Variants in DCAF4L1 observed in about 807,000 individuals in gnomAD.
DCAF4L1 encodes the protein DDB1 and CUL4 associated factor 4 like 1.
Under a neutral mutation model 28.2 loss-of-function variants are expected in DCAF4L1, and 4 were observed. The ratio of observed to expected loss-of-function variants is 0.14; its 90% CI spans 0.07 to 0.33. The LOEUF (loss-of-function observed/expected upper bound fraction) is 0.33. Among genes scored for constraint, DCAF4L1 ranks in the 10% least tolerant of loss-of-function variants. DCAF4L1 has a pLI of 1.00. For synonymous variants in DCAF4L1, 252 were observed against 212.1 expected (o/e 1.19, Z -1.63); for missense variants, 331 against 506.1 (o/e 0.65, Z 3.32).
Position 41,981,807 on chromosome 4 carries a change from G to A in DCAF4L1, c.15G>A (p.Arg5=), listed in dbSNP as rs368827159. Residue 5 remains arginine, a synonymous_variant, in exon 1 of 1, where the codon AGG becomes AGA. Coordinates refer to ENST00000333141, the MANE Select transcript of DCAF4L1 (RefSeq NM_001029955.4). MEAE[R]LRLLEEEAKL... Reference sequence around the variant, plus strand: ...CGCAGGAGGAAATGGAGGCTGAAAGGCTGCGACTCCTCGAGGAAGAGGCCA... The same window carrying A: ...CGCAGGAGGAAATGGAGGCTGAAAGACTGCGACTCCTCGAGGAAGAGGCCA... 1.0e-4 allele frequency: 162 copies of A among 1,613,882 alleles called. 1 individual carries two copies. The highest frequency in any genetic ancestry group is 1.2e-4 in the Non-Finnish European group (145 of 1,179,906).
chr4:41,983,035 A>C lies in DCAF4L1; in HGVS notation c.*52A>C. 2.7e-6 allele frequency: 4 copies of C among 1,477,086 alleles called. No individual in the cohort carries two copies. Among genetic ancestry groups the C allele is most frequent in the Non-Finnish European group, 3.7e-6 (4 of 1,085,652 alleles). The allele number at this position is 1,477,086 out of a possible 1,614,324, so 91.5% of individuals were successfully genotyped here. A position where few individuals can be genotyped will look rare whatever the true frequency, so the allele number is the denominator to read the frequency against. ...GTGGATTTGACTTAAGGAAGTTAAG[A>C]GTATCTTATTACCGTTTCTGTGAGA... On this transcript the variant is annotated 3_prime_UTR_variant, in exon 1 of 1. Coordinates refer to ENST00000333141, the MANE Select transcript of DCAF4L1 (RefSeq NM_001029955.4).
At position 41,982,555 on chromosome 4, in the gene DCAF4L1, T is replaced by A; in HGVS notation, c.763T>A (p.Cys255Ser). 6.2e-7 allele frequency: 1 copy of A among 1,614,206 alleles called. No homozygotes were observed. The highest frequency in any genetic ancestry group is 1.1e-5 in the South Asian group (1 of 91,090). Residue 255 changes from cysteine (C) to serine (S), a missense_variant, in exon 1 of 1, where the codon TGT (cysteine) becomes AGT (serine). Coordinates refer to ENST00000333141, the MANE Select transcript of DCAF4L1 (RefSeq NM_001029955.4). The surrounding 1 kb of genome is among the most constrained non-coding windows in gnomAD (Gnocchi z 4.4). The part of the protein sequence containing the change: ...SGEIFAIDLR[C>S]RNRGKGWRAT... The stretch of plus-strand genomic sequence containing the variant: ...GGAGATCTTTGCCATTGATCTGCGT[T>A]GTAGAAATCGAGGCAAGGGGTGGAG...
In DCAF4L1 at chr4:41,982,200, C is replaced by T. The variant is rs778795267; in HGVS notation, c.408C>T (p.Asn136=). The T allele has an allele frequency of 1.2e-5, 20 of 1,614,248 alleles. No individual in the cohort carries two copies. The South Asian group carries it at 2.0e-4, about 16-fold the overall frequency. The part of the protein sequence containing the change: ...KVKSLCWASL[N]QLDSHVLLCF... ...AGTCCCTGTGCTGGGCCTCGCTGAA[C>T]CAGTTGGACTCTCACGTTCTGCTGT... Residue 136 remains asparagine, a synonymous_variant, in exon 1 of 1, where the codon AAC becomes AAT. Coordinates refer to ENST00000333141, the MANE Select transcript of DCAF4L1 (RefSeq NM_001029955.4). This position sits in a 1 kb window ranked among gnomAD's most constrained non-coding sequence, Gnocchi z 4.4.
rs190226465 is a variant in DCAF4L1, at chr4:41,986,308, G to T, written c.*3325G>T. On this transcript the variant is annotated 3_prime_UTR_variant, in exon 1 of 1. Transcript: ENST00000333141. ...CACATTCGTTTTAGATCACAGGGTC[G>T]TTCTCAGGATATGGTTGTTACTGCT... 6.0e-6 allele frequency: 1 copy of T among 167,184 alleles called. No individual in the cohort carries two copies. Among genetic ancestry groups the T allele is most frequent in the Admixed American group, 6.5e-5 (1 of 15,292 alleles). The allele number at this position is 167,184 out of a possible 1,614,324, so 10.4% of individuals were successfully genotyped here.
In DCAF4L1 at chr4:41,982,392, T is replaced by C. The variant is rs1714012846; in HGVS notation, c.600T>C (p.Phe200=). ...TCAACACCCGGGCATATCACTGCTT[T>C]AGTGCAGGCTTGTCTCAGCAGGTCC... is the stretch of plus-strand genomic sequence containing the variant. The part of the protein sequence containing the change: ...WSLNTRAYHC[F]SAGLSQQVLL... Residue 200 remains phenylalanine (F), a synonymous_variant, in exon 1 of 1, where the codon TTT becomes TTC. Transcript: ENST00000333141. This position sits in a 1 kb window ranked among gnomAD's most constrained non-coding sequence, Gnocchi z 4.4. 1.9e-6 allele frequency: 3 copies of C among 1,614,220 alleles called. No homozygotes were observed. The highest frequency in any genetic ancestry group is 2.5e-6 in the Non-Finnish European group (3 of 1,180,036).
Position 41,982,111 on chromosome 4 carries a change from C to T in DCAF4L1, c.319C>T (p.Leu107=), listed in dbSNP as rs1714001950. 3 of 1,614,228 alleles carry T rather than the reference C, an allele frequency of 1.9e-6. No individual in the cohort carries two copies. Among genetic ancestry groups the T allele is most frequent in the South Asian group, 2.2e-5 (2 of 91,088 alleles). Residue 107 remains leucine (L), a synonymous_variant, in exon 1 of 1, where the codon CTG becomes TTG. Coordinates refer to ENST00000333141, the MANE Select transcript of DCAF4L1 (RefSeq NM_001029955.4). The surrounding 1 kb of genome is among the most constrained non-coding windows in gnomAD (Gnocchi z 4.4). ...GTACGGCATCATCAGCCTGCGAACT[C>T]TGAAGATCCCTTCGTTCCACGTGTA... ...SKYGIISLRT[L]KIPSFHVYVL...
In DCAF4L1 at chr4:41,983,589, G is replaced by C. The variant is rs139036831; in HGVS notation, c.*606G>C. On this transcript the variant is annotated 3_prime_UTR_variant, in exon 1 of 1. Coordinates refer to ENST00000333141, the MANE Select transcript of DCAF4L1 (RefSeq NM_001029955.4). ...TCCATAGGCATTGGAAGGAAAGATG[G>C]ATCTTTTTAAATACTAGAAGTTTTA... 2.4e-5 allele frequency: 4 copies of C among 167,206 alleles called. No homozygotes were observed. Among genetic ancestry groups the C allele is most frequent in the African/African-American group, 9.6e-5 (4 of 41,538 alleles). The allele number at this position is 167,206 out of a possible 1,614,324, so 10.4% of individuals were successfully genotyped here. A position where few individuals can be genotyped will look rare whatever the true frequency, so the allele number is the denominator to read the frequency against.
In DCAF4L1 at chr4:41,982,492, A is replaced by G. The variant is rs1714019065; in HGVS notation, c.700A>G (p.Ser234Gly). 1.9e-6 allele frequency: 3 copies of G among 1,614,244 alleles called. No homozygotes were observed. The highest frequency in any genetic ancestry group is 2.5e-6 in the Non-Finnish European group (3 of 1,180,042). The change falls in exon 1 of 1, where the codon AGT becomes GGT. Residue 234 changes from serine (S) to glycine (G), a missense_variant. By Grantham distance (56) the Ser-to-Gly change is moderately conservative. Transcript: ENST00000333141. The surrounding 1 kb of genome is among the most constrained non-coding windows in gnomAD (Gnocchi z 4.4). ...TGATGTCTTGGCCCAGCAGTTTGCTAGTACGGCTCCTTTGCTGTTTAATGG... is the reference window on the plus strand; with the variant it reads ...TGATGTCTTGGCCCAGCAGTTTGCTGGTACGGCTCCTTTGCTGTTTAATGG... The part of the protein sequence containing the change: ...SSDVLAQQFA[S>G]TAPLLFNGCR...
In DCAF4L1 at chr4:41,983,091, G is replaced by T. The variant is rs574187882; in HGVS notation, c.*108G>T. On this transcript the variant is annotated 3_prime_UTR_variant, in exon 1 of 1. Transcript: ENST00000333141. ...TTAAGAGACGTGTTGTATATAGATC[G>T]CATCCATCCGGCTGCCAGGGGTAAG... 8.4e-6 allele frequency: 8 copies of T among 948,846 alleles called. No individual in the cohort carries two copies. The highest frequency in any genetic ancestry group is 2.2e-4 in the Middle Eastern group (1 of 4,484). The allele number at this position is 948,846 out of a possible 1,614,324, so 58.8% of individuals were successfully genotyped here.
chr4:41,983,904 A>G lies in DCAF4L1; in HGVS notation c.*921A>G, dbSNP rs1166953887. 1 of 166,496 alleles carries G rather than the reference A, an allele frequency of 6.0e-6. No individual in the cohort carries two copies. The highest frequency in any genetic ancestry group is 1.5e-5 in the Non-Finnish European group (1 of 68,122). The allele number at this position is 166,496 out of a possible 1,614,324, so 10.3% of individuals were successfully genotyped here. ...CTAAAATTCGTGATATAATCATACA[A>G]TCGGATACTGCATAATAATAGAAAA... On this transcript the variant is annotated 3_prime_UTR_variant, in exon 1 of 1. Transcript: ENST00000333141.
At position 41,982,460 on chromosome 4, in the gene DCAF4L1, C is replaced by T. The variant is rs1199436791; in HGVS notation, c.668C>T (p.Thr223Ile). 1.9e-6 allele frequency: 3 copies of T among 1,614,154 alleles called. No homozygotes were observed. Among genetic ancestry groups the T allele is most frequent in the South Asian group, 1.1e-5 (1 of 91,084 alleles). The stretch of plus-strand genomic sequence containing the variant: ...ACGGGACACCAGCAGTCATTTGATA[C>T]CAGCAGTGATGTCTTGGCCCAGCAG... Reference protein sequence around the residue: ...VATGHQQSFDTSSDVLAQQFA... With the variant: ...VATGHQQSFDISSDVLAQQFA... Residue 223 changes from threonine to isoleucine, a missense_variant, in exon 1 of 1, where the codon ACC (threonine) becomes ATC (isoleucine). Coordinates refer to ENST00000333141, the MANE Select transcript of DCAF4L1 (RefSeq NM_001029955.4). This position sits in a 1 kb window ranked among gnomAD's most constrained non-coding sequence, Gnocchi z 4.4.
In DCAF4L1 at chr4:41,983,000, G is replaced by A. The variant is rs374930244; in HGVS notation, c.*17G>A. 18 of 1,574,702 alleles carry A rather than the reference G, an allele frequency of 1.1e-5. No individual in the cohort carries two copies. The highest frequency in any genetic ancestry group is 8.3e-5 in the South Asian group (7 of 84,658). ...TTCAGCTAATTCTGCAGGTGGCAGC[G>A]CGGCCGAATGTGGATTTGACTTAAG... On this transcript the variant is annotated 3_prime_UTR_variant, in exon 1 of 1. Transcript: ENST00000333141. The surrounding 1 kb of genome is among the most constrained non-coding windows in gnomAD (Gnocchi z 4.4).
At position 41,985,244 on chromosome 4, in the gene DCAF4L1, C is replaced by G. The variant is rs1024207744; in HGVS notation, c.*2261C>G. 1 of 166,588 alleles carries G rather than the reference C, an allele frequency of 6.0e-6. No individual in the cohort carries two copies. The highest frequency in any genetic ancestry group is 1.5e-5 in the Non-Finnish European group (1 of 68,024). 10.3% of individuals were successfully genotyped at this position (166,588 alleles called of 1,614,324 possible). A position where few individuals can be genotyped will look rare whatever the true frequency, so the allele number is the denominator to read the frequency against. The stretch of plus-strand genomic sequence containing the variant: ...AAAAAAAATCAGTAAGAAAAACACA[C>G]CTAAAAGAAAGGGAGGCAATAGTCT... On this transcript the variant is annotated 3_prime_UTR_variant, in exon 1 of 1. Coordinates refer to ENST00000333141, the MANE Select transcript of DCAF4L1 (RefSeq NM_001029955.4).
In DCAF4L1 at chr4:41,985,683, A is replaced by G. The variant is rs1168986658; in HGVS notation, c.*2700A>G. The G allele has an allele frequency of 6.0e-6, 1 of 167,106 alleles. No individual in the cohort carries two copies. The highest frequency in any genetic ancestry group is 1.5e-5 in the Non-Finnish European group (1 of 68,126). The allele number at this position is 167,106 out of a possible 1,614,324, so 10.4% of individuals were successfully genotyped here. On this transcript the variant is annotated 3_prime_UTR_variant, in exon 1 of 1. Transcript: ENST00000333141. ...AATAGTAGAGTGGATAAATTGTGGG[A>G]TATTAACACAATGGAATCCTTTTTG...
At position 41,982,183 on chromosome 4, in the gene DCAF4L1, T is replaced by A; in HGVS notation, c.391T>A (p.Cys131Ser). Residue 131 changes from cysteine (C) to serine (S), a missense_variant, in exon 1 of 1, where the codon TGC (cysteine) becomes AGC (serine). Transcript: ENST00000333141. The surrounding 1 kb of genome is among the most constrained non-coding windows in gnomAD (Gnocchi z 4.4). ...CCCCAACCGGAAGGTGAAGTCCCTG[T>A]GCTGGGCCTCGCTGAACCAGTTGGA... Reference protein sequence around the residue: ...YVPNRKVKSLCWASLNQLDSH... With the variant: ...YVPNRKVKSLSWASLNQLDSH... The A allele has an allele frequency of 6.2e-7, 1 of 1,614,248 alleles. No homozygotes were observed. Among genetic ancestry groups the A allele is most frequent in the East Asian group, 2.2e-5 (1 of 44,892 alleles).
rs1294170914 is a variant in DCAF4L1 at position 41,983,513 on chromosome 4, C to T, written c.*530C>T. 1 of 167,430 alleles carries T rather than the reference C, an allele frequency of 6.0e-6. No individual in the cohort carries two copies. Among genetic ancestry groups the T allele is most frequent in the Admixed American group, 6.5e-5 (1 of 15,310 alleles). The allele number at this position is 167,430 out of a possible 1,614,324, so 10.4% of individuals were successfully genotyped here. A position where few individuals can be genotyped will look rare whatever the true frequency, so the allele number is the denominator to read the frequency against. ...GGAGTTTGGAATCATTAAATTTGGC[C>T]TTCTCAAACTCAATAGCAGATCTCT... On this transcript the variant is annotated 3_prime_UTR_variant, in exon 1 of 1. Transcript: ENST00000333141.
In DCAF4L1 at chr4:41,984,120, A is replaced by G. The variant is rs1434544602; in HGVS notation, c.*1137A>G. 6.1e-6 allele frequency: 1 copy of G among 165,152 alleles called. No homozygotes were observed. The highest frequency in any genetic ancestry group is 1.5e-5 in the Non-Finnish European group (1 of 68,070). The allele number at this position is 165,152 out of a possible 1,614,324, so 10.2% of individuals were successfully genotyped here. A position where few individuals can be genotyped will look rare whatever the true frequency, so the allele number is the denominator to read the frequency against. On this transcript the variant is annotated 3_prime_UTR_variant, in exon 1 of 1. Transcript: ENST00000333141. ...AGGATTTTTTTTTCTTTTTCTTTTT[A>G]GGATGTTTGAGAAGTGACATGGGGA...
At position 41,981,984 on chromosome 4, in the gene DCAF4L1, G is replaced by A; in HGVS notation, c.192G>A (p.Leu64=). 6.2e-7 allele frequency: 1 copy of A among 1,614,262 alleles called. No individual in the cohort carries two copies. Among genetic ancestry groups the A allele is most frequent in the Non-Finnish European group, 8.5e-7 (1 of 1,180,050 alleles). The part of the protein sequence containing the change: ...MERKKVQIRS[L]DPSSLASDRF... The stretch of plus-strand genomic sequence containing the variant: ...GGAAAAAGGTCCAAATTCGGAGCTT[G>A]GATCCCTCCTCTTTGGCGAGCGACC... Residue 64 remains leucine, a synonymous_variant, in exon 1 of 1, where the codon TTG becomes TTA. Transcript: ENST00000333141.
chr4:41,981,871 TCCATGCTCCGAA>T lies in DCAF4L1; in HGVS notation c.80_91del (p.Ser27_Lys31delinsTer), dbSNP rs1408618502. 6.2e-7 allele frequency: 1 copy of T among 1,614,180 alleles called. No individual in the cohort carries two copies. The highest frequency in any genetic ancestry group is 1.7e-5 in the Admixed American group (1 of 60,026). On this transcript the variant is annotated stop_gained and inframe_deletion, in exon 1 of 1. Coordinates refer to ENST00000333141, the MANE Select transcript of DCAF4L1 (RefSeq NM_001029955.4). LOFTEE classifies it high-confidence loss of function. ...AGCCAGAATGGGATTTAATGCATCT[TCCATGCTCCGAA>T]AAAGCCAGCTAGGTTTCCTCAACGT... is the stretch of plus-strand genomic sequence containing the variant.
Sources: allele counts gnomAD v4.1 joint callset, GRCh38; gene constraint gnomAD v4.1.1; non-coding constraint Gnocchi (gnomAD v3.1); transcripts MANE v1.5; gene names NCBI Gene and HGNC (gene_info 2026-07-23, HGNC 2026-07-21).